The following PITPNC1 variants were observed in gnomAD, a reference collection of about 807,000 sequenced individuals.
PITPNC1 encodes the protein phosphatidylinositol transfer protein cytoplasmic 1.
PITPNC1 carries 18 observed loss-of-function variants against 44.7 expected under a neutral mutation model. The observed-to-expected ratio is 0.40, with a 90% CI of 0.28 to 0.60. The LOEUF (loss-of-function observed/expected upper bound fraction) is 0.60. Among genes scored for constraint, PITPNC1 ranks in the 20% least tolerant of loss-of-function variants. PITPNC1 has a pLI of 0.39. For synonymous variants in PITPNC1, 141 were observed against 149.6 expected, an observed-to-expected ratio of 0.94 and a Z score of 0.42; for missense variants, 290 against 418.4, an observed-to-expected ratio of 0.69 and a Z score of 2.68.
At chr17:67,440,882 G>A (rs951613315) in intron 1 of PITPNC1, among the ~76,000 whole-genome samples, 3 of 151,780 alleles carry the variant, frequency 2.0e-5, no homozygotes, top group Non-Finnish European at 2.9e-5. Flanking sequence ...TAAAAATTAC[G>A]CCTGTGTAGC....
At chr17:67,522,324 C>T (rs1330168205) in intron 1 of PITPNC1, among the ~76,000 whole-genome samples, 2 of 151,790 alleles carry the variant, frequency 1.3e-5, no homozygotes, top group Non-Finnish European at 2.9e-5. Flanking sequence ...AAAAAAAAGA[C>T]ATCTAGGCTT....
At chr17:67,388,366 G>A (rs1338534652) in intron 1 of PITPNC1, among the ~76,000 whole-genome samples, 2 of 120,874 alleles carry the variant, frequency 1.7e-5, no homozygotes, top group Non-Finnish European at 3.3e-5. Flanking sequence ...TGCTCTTGTT[G>A]CCCAGGCTGG....
chr17:67,470,436 A>T (rs2039504069), intron 1 of PITPNC1, among the ~76,000 whole-genome samples: 1 of 152,212 alleles, frequency 6.6e-6, no homozygotes, highest in Non-Finnish European at 1.5e-5. Flanking sequence ...ACAAGCACTG[A>T]TCTGCTTTTG....
At chr17:67,378,247 G>C in intron 1 of PITPNC1, 45 bp downstream of exon 1, 1 of 1,317,120 alleles carries the variant, frequency 7.6e-7, no homozygotes, top group Middle Eastern at 2.0e-4. Flanking sequence ...CGGGACCCCC[G>C]CCGCTACCGC....
At chr17:67,563,921 A>G (rs2040938605) in intron 4 of PITPNC1, among the ~76,000 whole-genome samples, 1 of 152,188 alleles carries the variant, frequency 6.6e-6, no homozygotes. Context: ...TAGCTAGATT[A>G]GATATGTAGA....
At chr17:67,615,911 T>G (rs750470215) in intron 5 of PITPNC1, among the ~76,000 whole-genome samples, 1 of 152,166 alleles carries the variant, frequency 6.6e-6, no homozygotes, top group African/African-American at 2.4e-5. Flanking sequence ...AGACCATCTG[T>G]GTGCCCAAGG....
intron 1 of PITPNC1, among the ~76,000 whole-genome samples, chr17:67,414,906 T>A (rs2143852309): frequency 6.6e-6 from 1 of 152,184 alleles, no homozygotes; most frequent in East Asian, 1.9e-4. Context: ...TGAGACAGGG[T>A]CTTGCTCTGT....
At chr17:67,681,371 G>A (rs190525666) in intron 8 of PITPNC1, among the ~76,000 whole-genome samples, 55 of 152,142 alleles carry the variant, frequency 3.6e-4, no homozygotes, top group Middle Eastern at 3.4e-3. Flanking sequence ...CCAGCACTTT[G>A]GGAGGCCAAG....
At chr17:67,662,175 C>T (rs1452542610) in intron 6 of PITPNC1, among the ~76,000 whole-genome samples, 1 of 151,896 alleles carries the variant, frequency 6.6e-6, no homozygotes, top group Non-Finnish European at 1.5e-5. Context: ...ACAACTTGGC[C>T]GGGTGCGGTA....
intron 2 of PITPNC1, among the ~76,000 whole-genome samples, chr17:67,540,052 T>C (rs1185761388): frequency 6.6e-6 from 1 of 151,398 alleles, no homozygotes; most frequent in Non-Finnish European, 1.5e-5. Flanking sequence ...GAGAGGAAAC[T>C]TTACCTGTAT....
At chr17:67,424,179 G>C (rs189720833) in intron 1 of PITPNC1, among the ~76,000 whole-genome samples, 3 of 151,716 alleles carry the variant, frequency 2.0e-5, no homozygotes, top group Non-Finnish European at 4.4e-5. Context: ...GAAAACTAGC[G>C]AATGGTATGG....
At chr17:67,614,305 A>T (rs2041729514) in intron 5 of PITPNC1, among the ~76,000 whole-genome samples, 1 of 152,136 alleles carries the variant, frequency 6.6e-6, no homozygotes. Flanking sequence ...TTCCAGAATA[A>T]AGATTCTTTA....
chr17:67,486,448 T>G (rs2039779141), intron 1 of PITPNC1, among the ~76,000 whole-genome samples: 1 of 152,144 alleles, frequency 6.6e-6, no homozygotes, highest in South Asian at 2.1e-4. Context: ...TTGCTAAGCT[T>G]GTGTCTGCCC....
chr17:67,544,691 G>A lies in PITPNC1; in HGVS notation c.198-7566G>A, dbSNP rs527653134. ...GTAGGAGAGGATAAAGCTTTCATAA[G>A]TCATGAACTCTTTTTTAACTGATGG... is the stretch of plus-strand genomic sequence containing the variant. On this transcript the variant is annotated intron_variant, in intron 2 of 8. Coordinates refer to ENST00000581322, the MANE Select transcript of PITPNC1 (RefSeq NM_012417.4). Among the ~76,000 whole-genome samples, 7 of 152,204 alleles carry A rather than the reference G, an allele frequency of 4.6e-5. No individual in the cohort carries two copies. The East Asian group carries it at 1.4e-3, about 30-fold the overall frequency.
At chr17:67,431,208 A>G (rs2038852381) in intron 1 of PITPNC1, among the ~76,000 whole-genome samples, 1 of 151,596 alleles carries the variant, frequency 6.6e-6, no homozygotes. Context: ...ATAGGCGCCC[A>G]CCACCACACC....
At chr17:67,659,417 T>A (rs148591319) in intron 6 of PITPNC1, among the ~76,000 whole-genome samples, 1 of 152,298 alleles carries the variant, frequency 6.6e-6, no homozygotes, top group East Asian at 1.9e-4. Context: ...TGCCACATGG[T>A]CTCACCACAT....
intron 1 of PITPNC1, among the ~76,000 whole-genome samples, chr17:67,407,367 T>C (rs1399127279): frequency 6.6e-6 from 1 of 152,248 alleles, no homozygotes; most frequent in East Asian, 1.9e-4. Flanking sequence ...TGTCTTCTTT[T>C]GTTGAGTTGT....
intron 4 of PITPNC1, among the ~76,000 whole-genome samples, chr17:67,568,539 T>C (rs2041011357): frequency 6.6e-6 from 1 of 152,200 alleles, no homozygotes; most frequent in Admixed American, 6.5e-5. Context: ...TTTATTTTTT[T>C]AGAGATGGGA....
chr17:67,640,692 A>G (rs1216377216), intron 6 of PITPNC1, among the ~76,000 whole-genome samples: 2 of 147,528 alleles, frequency 1.4e-5, no homozygotes, highest in Non-Finnish European at 3.0e-5. Context: ...AAAGAAAAAA[A>G]AAAAAAAAAA....
Sources: allele counts gnomAD v4.1 joint callset (sites outside exome capture counted in the v4.1 genomes callset), GRCh38; gene constraint gnomAD v4.1.1; transcripts MANE v1.5; gene names NCBI Gene and HGNC (gene_info 2026-07-23, HGNC 2026-07-21).